The following KIF13A variants were observed in gnomAD, a reference collection of about 807,000 sequenced individuals.
KIF13A encodes kinesin-like protein KIF13A.
KIF13A carries 79 observed loss-of-function variants against 212.2 expected under a neutral mutation model. The ratio of observed to expected loss-of-function variants is 0.37; its 90% CI spans 0.31 to 0.45. The LOEUF is 0.45. Ranked by LOEUF, KIF13A falls within the 20% of genes least tolerant of loss-of-function variation. The probability of loss-of-function intolerance (pLI) is 1.00; values close to 1 mark genes in which losing one functional copy is unlikely to be tolerated. For synonymous variants in KIF13A, 789 were observed against 808.6 expected (o/e 0.98, Z 0.41); for missense variants, 1,901 against 2,209.0 (o/e 0.86, Z 2.79).
chr6:17,800,851 G>A (rs1762416145), intron 20 of KIF13A, among the ~76,000 whole-genome samples: 1 of 151,688 alleles, frequency 6.6e-6, no homozygotes, highest in African/African-American at 2.4e-5. Flanking sequence ...CACCCGCCTC[G>A]GCCTCCCAAA....
intron 16 of KIF13A, among the ~76,000 whole-genome samples, chr6:17,824,389 T>C (rs1764751696): frequency 6.6e-6 from 1 of 152,224 alleles, no homozygotes; most frequent in South Asian, 2.1e-4. Context: ...CAATTCTCTA[T>C]GCTCAAATTC....
At position 17,776,368 on chromosome 6, in the gene KIF13A, ACACTGATCTATGTAT is replaced by A. The variant is rs1220712182; in HGVS notation, c.4170+894_4170+908del. Reference sequence around the variant, plus strand: ...GTACCACTTTAGCTGCATTGCACAAACACTGATCTATGTATCATTTTTATTCTCATTTAGTTCTAA... The same window carrying A: ...GTACCACTTTAGCTGCATTGCACAAACATTTTTATTCTCATTTAGTTCTAA... On this transcript the variant is annotated intron_variant, in intron 34 of 38. Coordinates refer to ENST00000259711, the MANE Select transcript of KIF13A (RefSeq NM_022113.6). This position sits in a 1 kb window ranked among gnomAD's most constrained non-coding sequence, Gnocchi z 4.6. Among the ~76,000 whole-genome samples the A allele has an allele frequency of 6.6e-6, 1 of 152,176 alleles. No homozygotes were observed. Among genetic ancestry groups the A allele is most frequent in the Non-Finnish European group, 1.5e-5 (1 of 68,032 alleles).
intron 13 of KIF13A, among the ~76,000 whole-genome samples, chr6:17,830,361 G>A (rs62394125): frequency 0.25 from 38,321 of 152,070 alleles, 5,271 homozygotes; most frequent in South Asian, 0.38. Flanking sequence ...AGGGTTGTAC[G>A]TTTATGTTTG....
intron 38 of KIF13A, among the ~76,000 whole-genome samples, chr6:17,765,795 TA>T (rs1201522991): frequency 6.6e-6 from 1 of 152,230 alleles, no homozygotes; most frequent in African/African-American, 2.4e-5. Flanking sequence ...CCAAATAAAA[TA>T]AGTGATAAAC....
At chr6:17,846,922 C>T (rs1010177921) in intron 9 of KIF13A, among the ~76,000 whole-genome samples, 1 of 152,180 alleles carries the variant, frequency 6.6e-6, no homozygotes, top group Non-Finnish European at 1.5e-5. Flanking sequence ...CAACCATTTC[C>T]AAAATCCACA....
chr6:17,771,792 G>A lies in KIF13A; in HGVS notation c.4476+116C>T. The A allele has an allele frequency of 1.1e-6, 1 of 885,420 alleles. No individual in the cohort carries two copies. Among genetic ancestry groups the A allele is most frequent in the South Asian group, 1.8e-5 (1 of 54,844 alleles). The allele number at this position is 885,420 out of a possible 1,614,324, so 54.8% of individuals were successfully genotyped here. A position where few individuals can be genotyped will look rare whatever the true frequency, so the allele number is the denominator to read the frequency against. Reference sequence around the variant, plus strand: ...AGAGGAATTCGAGAACGGGAACCATGGAGTGATGACCGTGCATGTCCACAT... The same window carrying A: ...AGAGGAATTCGAGAACGGGAACCATAGAGTGATGACCGTGCATGTCCACAT... On this transcript the variant is annotated intron_variant, in intron 37 of 38. Transcript: ENST00000259711. The surrounding 1 kb of genome is among the most constrained non-coding windows in gnomAD (Gnocchi z 5.4).
At chr6:17,921,944 T>A (rs907243628) in intron 2 of KIF13A, among the ~76,000 whole-genome samples, 6 of 152,222 alleles carry the variant, frequency 3.9e-5, no homozygotes, top group African/African-American at 1.4e-4. Context: ...TTTTATTGAT[T>A]AATCCAAAGA....
chr6:17,834,595 C>T lies in KIF13A; in HGVS notation c.1156-524G>A, dbSNP rs1765758902. On this transcript the variant is annotated intron_variant, in intron 11 of 38. Coordinates refer to ENST00000259711, the MANE Select transcript of KIF13A (RefSeq NM_022113.6). This position sits in a 1 kb window ranked among gnomAD's most constrained non-coding sequence, Gnocchi z 4.0. ...TATCATTCACCCAGAAGCAGCACAG[C>T]TGGCTAAAAAGGCAGTGGTTTCCCT... Among the ~76,000 whole-genome samples, 1 of 152,202 alleles carries T rather than the reference C, an allele frequency of 6.6e-6. No individual in the cohort carries two copies. Among genetic ancestry groups the T allele is most frequent in the Non-Finnish European group, 1.5e-5 (1 of 68,036 alleles).
rs1438575286 is a variant in KIF13A at position 17,787,264 on chromosome 6, A to G, written c.3361+512T>C. ...GTCACAGTTTTATGAGATAATTCTG[A>G]GTTTTATGAAAACTTACTACTTTCA... On this transcript the variant is annotated intron_variant, in intron 27 of 38. Transcript: ENST00000259711. This position sits in a 1 kb window ranked among gnomAD's most constrained non-coding sequence, Gnocchi z 4.6. Among the ~76,000 whole-genome samples, 1 of 152,236 alleles carries G rather than the reference A, an allele frequency of 6.6e-6. No homozygotes were observed. The highest frequency in any genetic ancestry group is 2.4e-5 in the African/African-American group (1 of 41,470).
At position 17,892,965 on chromosome 6, in the gene KIF13A, CG is replaced by C. The variant is rs973652151; in HGVS notation, c.159+5202del. ...GACACGGGAACTCTTGATTTATAGC[CG>C]GTAGGTCAGAAGTATAGGTGGCAAC... On this transcript the variant is annotated intron_variant, in intron 3 of 38. Transcript: ENST00000259711. This position sits in a 1 kb window ranked among gnomAD's most constrained non-coding sequence, Gnocchi z 4.7. 3.3e-5 allele frequency among the ~76,000 whole-genome samples: 5 copies of C among 152,256 alleles called. No homozygotes were observed. The highest frequency in any genetic ancestry group is 1.3e-4 in the Admixed American group (2 of 15,292).
intron 13 of KIF13A, among the ~76,000 whole-genome samples, chr6:17,830,535 G>A (rs538705912): frequency 1.3e-5 from 2 of 152,264 alleles, no homozygotes; most frequent in African/African-American, 4.8e-5. Flanking sequence ...AACGTGGCAT[G>A]TCCTGCGACC....
intron 3 of KIF13A, among the ~76,000 whole-genome samples, chr6:17,879,504 A>C (rs2150447537): frequency 6.6e-6 from 1 of 152,284 alleles, no homozygotes; most frequent in South Asian, 2.1e-4. Flanking sequence ...TGATTCCTGC[A>C]ATGGTCAAAT....
rs762390711 is a variant in KIF13A, at chr6:17,828,228, T to C, written c.1532+12A>G. 72 of 1,608,870 alleles carry C rather than the reference T, an allele frequency of 4.5e-5. No homozygotes were observed. The Admixed American group carries it at 4.6e-4, about 10-fold the overall frequency. On this transcript the variant is annotated intron_variant, in intron 14 of 38. Coordinates refer to ENST00000259711, the MANE Select transcript of KIF13A (RefSeq NM_022113.6). This position sits in a 1 kb window ranked among gnomAD's most constrained non-coding sequence, Gnocchi z 4.3. ...ACACAAGACACGTGAAGTCACCATT[T>C]ACTTTTCTTACCTTGCATTTTCTTT...
At position 17,837,856 on chromosome 6, in the gene KIF13A, A is replaced by G. The variant is rs62394128; in HGVS notation, c.831-273T>C. Among the ~76,000 whole-genome samples the G allele has an allele frequency of 0.13, 19,494 of 151,650 alleles. 1,630 individuals carry two copies. The highest frequency in any genetic ancestry group is 0.21 in the South Asian group (995 of 4,796). On this transcript the variant is annotated intron_variant, in intron 9 of 38. Coordinates refer to ENST00000259711, the MANE Select transcript of KIF13A (RefSeq NM_022113.6). The surrounding 1 kb of genome is among the most constrained non-coding windows in gnomAD (Gnocchi z 5.4). Reference sequence around the variant, plus strand: ...TAATCCCAGCTACTTGGGAGGCTGAAGCAGGAGAATCTCTGGAACCCGGGA... The same window carrying G: ...TAATCCCAGCTACTTGGGAGGCTGAGGCAGGAGAATCTCTGGAACCCGGGA...
chr6:17,946,080 C>T (rs552708894), intron 2 of KIF13A, among the ~76,000 whole-genome samples: 22 of 152,148 alleles, frequency 1.4e-4, no homozygotes, highest in Non-Finnish European at 2.4e-4. Flanking sequence ...TATTTGTATG[C>T]GCTTAGAGAA....
rs565377846 is a variant in KIF13A at position 17,857,565 on chromosome 6, C to A, written c.221-1443G>T. Among the ~76,000 whole-genome samples the A allele has an allele frequency of 1.2e-4, 19 of 152,292 alleles. 1 individual carries two copies. In the East Asian group the frequency reaches 3.7e-3, roughly 29 times the overall value. On this transcript the variant is annotated intron_variant, in intron 4 of 38. Transcript: ENST00000259711. Reference sequence around the variant, plus strand: ...TAAACCTCCTTTCTTTACAAATTAGCCTGCCTCATGTAGTTCTTTACAACA... The same window carrying A: ...TAAACCTCCTTTCTTTACAAATTAGACTGCCTCATGTAGTTCTTTACAACA...
At position 17,799,877 on chromosome 6, in the gene KIF13A, CTCA is replaced by C. The variant is rs1196336196; in HGVS notation, c.2616+72_2616+74del. On this transcript the variant is annotated intron_variant, in intron 21 of 38. Coordinates refer to ENST00000259711, the MANE Select transcript of KIF13A (RefSeq NM_022113.6). This position sits in a 1 kb window ranked among gnomAD's most constrained non-coding sequence, Gnocchi z 4.4. ...CTTTTACTACCCTGGATGAAAAACTCTCATAAGATTTTTTGTAAAATGGTTTTG... is the reference window on the plus strand; with the variant it reads ...CTTTTACTACCCTGGATGAAAAACTCTAAGATTTTTTGTAAAATGGTTTTG... The C allele has an allele frequency of 1.2e-5, 19 of 1,530,064 alleles. No homozygotes were observed. Among genetic ancestry groups the C allele is most frequent in the Admixed American group, 1.9e-5 (1 of 53,550 alleles). The allele number at this position is 1,530,064 out of a possible 1,614,324, so 94.8% of individuals were successfully genotyped here.
At position 17,918,311 on chromosome 6, in the gene KIF13A, T is replaced by C. The variant is rs1052229444; in HGVS notation, c.147-20131A>G. 2.6e-5 allele frequency among the ~76,000 whole-genome samples: 4 copies of C among 152,152 alleles called. No individual in the cohort carries two copies. The highest frequency in any genetic ancestry group is 9.7e-5 in the African/African-American group (4 of 41,438). On this transcript the variant is annotated intron_variant, in intron 2 of 38. Transcript: ENST00000259711. The surrounding 1 kb of genome is among the most constrained non-coding windows in gnomAD (Gnocchi z 4.8). ...AAATACATACATGCATAAAAAATAG[T>C]CTCAGAACTGTAGACCAAAAGAATG...
chr6:17,795,353 C>A lies in KIF13A; in HGVS notation c.2943-649G>T, dbSNP rs186987374. On this transcript the variant is annotated intron_variant, in intron 23 of 38. Coordinates refer to ENST00000259711, the MANE Select transcript of KIF13A (RefSeq NM_022113.6). Reference sequence around the variant, plus strand: ...ATTCCAGCACTTTGGAAGGCCAAGGCGGGTGGATCACCTGAGGTCAGGAGT... The same window carrying A: ...ATTCCAGCACTTTGGAAGGCCAAGGAGGGTGGATCACCTGAGGTCAGGAGT... 2.3e-3 allele frequency among the ~76,000 whole-genome samples: 338 copies of A among 149,596 alleles called. 2 individuals carry two copies. The highest frequency in any genetic ancestry group is 8.2e-3 in the African/African-American group (332 of 40,646).
Sources: gnomAD v4.1 joint callset for allele counts (sites outside exome capture counted in the v4.1 genomes callset) on GRCh38, gnomAD v4.1.1 for gene constraint, Gnocchi (gnomAD v3.1) non-coding constraint, MANE v1.5 for transcripts, NCBI Gene and HGNC (gene_info 2026-07-23, HGNC 2026-07-21) for gene names.